E2F3: variants seen among roughly 807,000 people sequenced by gnomAD.
E2F3 encodes E2F transcription factor 3, also known as transcription factor E2F3.
A neutral mutation model predicts 44.4 loss-of-function variants in E2F3; 11 were observed. The ratio of observed to expected loss-of-function variants is 0.25; its 90% CI spans 0.16 to 0.41. E2F3 has a LOEUF of 0.41. Ranked by LOEUF, E2F3 falls within the 10% of genes least tolerant of loss-of-function variation. The probability of loss-of-function intolerance (pLI) is 1.00; values close to 1 mark genes in which losing one functional copy is unlikely to be tolerated. For missense variants in E2F3, 487 were observed against 583.6 expected (o/e 0.83, Z 1.70); for synonymous variants, 249 against 253.0 (o/e 0.98, Z 0.15).
intron 1 of E2F3, chr6:20,403,805 G>A: frequency 6.7e-7 from 1 of 1,498,156 alleles, no homozygotes; most frequent in Non-Finnish European, 8.9e-7. Flanking sequence ...GAGCCAGGCT[G>A]GTTTCGGAAA....
chr6:20,476,490 G>A (rs1244010962), intron 1 of E2F3, among the ~76,000 whole-genome samples: 4 of 152,220 alleles, frequency 2.6e-5, no homozygotes, highest in African/African-American at 9.7e-5. Flanking sequence ...TTGAGTGGTG[G>A]TCTCAGACCC....
chr6:20,493,401 G>A lies in E2F3; in HGVS notation c.*2971G>A, dbSNP rs1484108931. 3 of 227,662 alleles carry A rather than the reference G, an allele frequency of 1.3e-5. No individual in the cohort carries two copies. Among genetic ancestry groups the A allele is most frequent in the Non-Finnish European group, 2.6e-5 (3 of 114,386 alleles). The allele number at this position is 227,662 out of a possible 1,614,324, so 14.1% of individuals were successfully genotyped here. On this transcript the variant is annotated 3_prime_UTR_variant, in exon 7 of 7. Transcript: ENST00000346618. ...AGGAAGATGGCTTGCAGAGTAAGTC[G>A]GGTGGCAATTGTCAGGGTGTGGGAA...
At chr6:20,414,774 C>CT (rs1289425898) in intron 1 of E2F3, among the ~76,000 whole-genome samples, 3 of 152,036 alleles carry the variant, frequency 2.0e-5, no homozygotes, top group Non-Finnish European at 4.4e-5. Context: ...TGGGAATAGT[C>CT]TCTAGGAGGC....
chr6:20,481,240 T>C lies in E2F3; in HGVS notation c.540T>C (p.Asp180=), dbSNP rs1762215587. 6.2e-7 allele frequency: 1 copy of C among 1,614,166 alleles called. No individual in the cohort carries two copies. The highest frequency in any genetic ancestry group is 2.2e-5 in the East Asian group (1 of 44,874). Residue 180 remains aspartate (D), a synonymous_variant, in exon 3 of 7, where the codon GAT becomes GAC. Coordinates refer to ENST00000346618, the MANE Select transcript of E2F3 (RefSeq NM_001949.5). ...PKSPSEKTRY[D]TSLGLLTKKF... Reference sequence around the variant, plus strand: ...CTCCCTCAGAAAAAACGCGGTATGATACGTCTCTTGGTCTGCTCACCAAGA... The same window carrying C: ...CTCCCTCAGAAAAAACGCGGTATGACACGTCTCTTGGTCTGCTCACCAAGA...
chr6:20,433,074 C>T (rs1299752802), intron 1 of E2F3, among the ~76,000 whole-genome samples: 1 of 152,160 alleles, frequency 6.6e-6, no homozygotes, highest in Non-Finnish European at 1.5e-5. Flanking sequence ...CTAGTGCCCA[C>T]AATGTTGCCC....
At chr6:20,460,996 C>CAAAAAAA (rs61306918) in intron 1 of E2F3, among the ~76,000 whole-genome samples, 4 of 55,488 alleles carry the variant, frequency 7.2e-5, no homozygotes, top group African/African-American at 2.3e-4. Flanking sequence ...ACTCTATCTC[C>CAAAAAAA]AAAAAAAAAA....
At chr6:20,429,996 T>C (rs1760345859) in intron 1 of E2F3, among the ~76,000 whole-genome samples, 2 of 152,148 alleles carry the variant, frequency 1.3e-5, no homozygotes, top group Non-Finnish European at 1.5e-5. Context: ...TCTGTTAAAA[T>C]GGCAGCTTGT....
chr6:20,477,714 C>T (rs778771338), intron 1 of E2F3, among the ~76,000 whole-genome samples: 1 of 151,828 alleles, frequency 6.6e-6, no homozygotes, highest in Non-Finnish European at 1.5e-5. Context: ...GCATATAAAG[C>T]AGCTGGATGA....
At chr6:20,414,627 A>C (rs1159396046) in intron 1 of E2F3, among the ~76,000 whole-genome samples, 1 of 152,196 alleles carries the variant, frequency 6.6e-6, no homozygotes, top group Non-Finnish European at 1.5e-5. Flanking sequence ...TTTAAACCCA[A>C]TTTGCAACAC....
chr6:20,405,773 A>C (rs1759474441), intron 1 of E2F3, among the ~76,000 whole-genome samples: 1 of 151,992 alleles, frequency 6.6e-6, no homozygotes, highest in Non-Finnish European at 1.5e-5. Flanking sequence ...CAGTGAGCTG[A>C]GATCCCGCCA....
intron 1 of E2F3, among the ~76,000 whole-genome samples, chr6:20,414,508 C>G (rs1759779081): frequency 6.6e-6 from 1 of 151,950 alleles, no homozygotes; most frequent in South Asian, 2.1e-4. Flanking sequence ...TTTTCTTAAG[C>G]TCTAGCATTC....
intron 1 of E2F3, among the ~76,000 whole-genome samples, chr6:20,450,946 G>A (rs868602498): frequency 6.6e-6 from 1 of 152,092 alleles, no homozygotes; most frequent in African/African-American, 2.4e-5. Flanking sequence ...GTAGGTGTGC[G>A]GCCTTACTTC....
At chr6:20,450,665 A>G (rs927975993) in intron 1 of E2F3, among the ~76,000 whole-genome samples, 3 of 152,016 alleles carry the variant, frequency 2.0e-5, no homozygotes, top group South Asian at 2.1e-4. Context: ...TTTTGTTCCA[A>G]TTGCTTTTGG....
intron 1 of E2F3, among the ~76,000 whole-genome samples, chr6:20,441,585 G>A (rs920767782): frequency 6.6e-6 from 1 of 151,770 alleles, no homozygotes; most frequent in Non-Finnish European, 1.5e-5. Flanking sequence ...TTTTGTTTTT[G>A]TTTTTTTGAG....
At chr6:20,442,847 G>A (rs1344423250) in intron 1 of E2F3, among the ~76,000 whole-genome samples, 1 of 151,994 alleles carries the variant, frequency 6.6e-6, no homozygotes, top group African/African-American at 2.4e-5. Flanking sequence ...GCAGGCACCT[G>A]TAATCCCAGC....
intron 1 of E2F3, among the ~76,000 whole-genome samples, chr6:20,438,221 G>C (rs1039879813): frequency 6.6e-6 from 1 of 152,104 alleles, no homozygotes; most frequent in African/African-American, 2.4e-5. Flanking sequence ...ATTGTAATGG[G>C]CTTTGTAAAA....
chr6:20,444,691 A>G (rs1760883044), intron 1 of E2F3, among the ~76,000 whole-genome samples: 1 of 152,216 alleles, frequency 6.6e-6, no homozygotes, highest in Admixed American at 6.5e-5. Context: ...CAGAAGCAAG[A>G]TCCTTGGAAA....
At chr6:20,424,373 G>C (rs964696137) in intron 1 of E2F3, among the ~76,000 whole-genome samples, 9 of 80,828 alleles carry the variant, frequency 1.1e-4, no homozygotes, top group African/African-American at 1.7e-4. Flanking sequence ...GACACAGAGA[G>C]AGTGTGTGTA....
intron 1 of E2F3, among the ~76,000 whole-genome samples, chr6:20,450,174 GT>G (rs955228318): frequency 2.0e-5 from 3 of 152,048 alleles, no homozygotes; most frequent in African/African-American, 2.4e-5. Context: ...ATTTCTGGTA[GT>G]TTTTTTGGTC....
Sources: allele counts gnomAD v4.1 joint callset (sites outside exome capture counted in the v4.1 genomes callset), GRCh38; gene constraint gnomAD v4.1.1; transcripts MANE v1.5; gene names NCBI Gene and HGNC (gene_info 2026-07-23, HGNC 2026-07-21).